ART3: variants seen among roughly 807,000 people sequenced by gnomAD.
The protein encoded by ART3 is ADP-ribosyltransferase 3 (inactive).
Under a neutral mutation model 48.5 loss-of-function variants are expected in ART3, and 49 were observed. That is an observed-to-expected ratio of 1.01 (90% confidence interval 0.80 to 1.28). ART3 has a LOEUF of 1.28. Among genes scored for constraint, ART3 ranks in the 50% most tolerant of loss-of-function variants. ART3 has a pLI of 0.00. For missense variants in ART3, 438 were observed against 454.3 expected, an observed-to-expected ratio of 0.96 and a Z score of 0.33; for synonymous variants, 145 against 157.2, an observed-to-expected ratio of 0.92 and a Z score of 0.58.
intron 11 of ART3, among the ~76,000 whole-genome samples, chr4:76,108,557 TA>T (rs57985973): frequency 0.033 from 4,825 of 147,260 alleles, 215 homozygotes; most frequent in African/African-American, 0.1. Context: ...TAGCAATGAT[TA>T]AAAAAAAAAA....
At chr4:76,022,782 T>C in intron 1 of ART3, 1 of 1,612,706 alleles carries the variant, frequency 6.2e-7, no homozygotes, top group South Asian at 1.1e-5. Context: ...CTAATGCTGA[T>C]GCAGGTACAG....
At chr4:76,011,229 C>CTCGTGCT (rs1401665992) in exon 1 of ART3, 11 of 152,668 alleles carry the variant, frequency 7.2e-5, no homozygotes, top group African/African-American at 2.2e-4. Flanking sequence ...GAGGTCTCGA[C>CTCGTGCT]GCTCGCTCGT....
chr4:76,087,706 G>T (rs947313691), intron 3 of ART3, among the ~76,000 whole-genome samples: 11 of 152,184 alleles, frequency 7.2e-5, no homozygotes, highest in East Asian at 3.8e-4. Context: ...TCGTTAGGAA[G>T]CAGAGAGAAT....
At chr4:76,021,629 A>G (rs187517470) in intron 1 of ART3, 248 of 355,414 alleles carry the variant, frequency 7.0e-4, no homozygotes, top group African/African-American at 5.0e-3. Flanking sequence ...AAGATGGGAA[A>G]GGTGAGGGAA....
chr4:76,047,489 G>A (rs972047560), intron 1 of ART3, among the ~76,000 whole-genome samples: 10 of 151,952 alleles, frequency 6.6e-5, no homozygotes, highest in African/African-American at 2.4e-4. Context: ...TTTTCTTAAG[G>A]CCTCTCATAG....
In ART3 at chr4:76,034,601, A is replaced by G. The variant is rs1030654533; in HGVS notation, c.-10+23281A>G. On this transcript the variant is annotated intron_variant, in intron 1 of 9. Coordinates refer to the ART3 transcript ENST00000341029. Reference sequence around the variant, plus strand: ...TTCTGATTGTCATTCATTCAGGAAGACTGTATTTCTGTTTTTGGTCCTTTC... The same window carrying G: ...TTCTGATTGTCATTCATTCAGGAAGGCTGTATTTCTGTTTTTGGTCCTTTC... The G allele has an allele frequency of 1.2e-5, 7 of 603,578 alleles. No homozygotes were observed. In the Admixed American group the frequency reaches 2.5e-4, roughly 21 times the overall value. The allele number at this position is 603,578 out of a possible 1,614,324, so 37.4% of individuals were successfully genotyped here.
intron 1 of ART3, among the ~76,000 whole-genome samples, chr4:76,042,868 T>C (rs1735107005): frequency 6.6e-6 from 1 of 152,024 alleles, no homozygotes; most frequent in Admixed American, 6.6e-5. Flanking sequence ...GGCAGCCTGC[T>C]TTTATTCTCT....
chr4:76,078,845 C>T (rs1721738744), intron 2 of ART3, among the ~76,000 whole-genome samples: 1 of 152,076 alleles, frequency 6.6e-6, no homozygotes, highest in African/African-American at 2.4e-5. Context: ...CTTTGGGAGG[C>T]CGAGAAAGGC....
intron 1 of ART3, among the ~76,000 whole-genome samples, chr4:76,012,912 A>T (rs1208925313): frequency 1.3e-5 from 2 of 152,190 alleles, no homozygotes; most frequent in Non-Finnish European, 2.9e-5. Context: ...TACAAGAAAA[A>T]ATCCACATTC....
intron 1 of ART3, chr4:76,022,455 A>G: frequency 6.2e-7 from 1 of 1,611,814 alleles, no homozygotes; most frequent in South Asian, 1.1e-5. Context: ...TCATTGTAGC[A>G]CTGTAGAAAT....
At chr4:76,069,183 G>A (rs1456399159) in intron 1 of ART3, among the ~76,000 whole-genome samples, 1 of 152,140 alleles carries the variant, frequency 6.6e-6, no homozygotes, top group Non-Finnish European at 1.5e-5. Context: ...GTGAAGGGAG[G>A]AGATTGACTA....
At chr4:76,028,279 C>G (rs995832482) in intron 1 of ART3, among the ~76,000 whole-genome samples, 3 of 152,154 alleles carry the variant, frequency 2.0e-5, no homozygotes, top group African/African-American at 4.8e-5. Context: ...AATGATAACT[C>G]TTTTTATATA....
At chr4:76,011,960 C>G (rs1319354781) in intron 1 of ART3, 1 of 152,218 alleles carries the variant, frequency 6.6e-6, no homozygotes, top group Non-Finnish European at 1.5e-5. Context: ...GAGGATGTTG[C>G]AGGCGTTTCT....
chr4:76,015,411 C>G (rs968299398), intron 1 of ART3, among the ~76,000 whole-genome samples: 4 of 151,616 alleles, frequency 2.6e-5, no homozygotes, highest in African/African-American at 4.8e-5. Flanking sequence ...AAGAGAATAA[C>G]TAAAAATATA....
At chr4:76,041,109 C>T (rs2149425780) in intron 1 of ART3, 1 of 152,322 alleles carries the variant, frequency 6.6e-6, no homozygotes, top group Admixed American at 6.5e-5. Flanking sequence ...GTGAACAAAA[C>T]TCACCAAGTC....
intron 9 of ART3, chr4:76,104,314 A>G: frequency 1.0e-6 from 1 of 971,326 alleles, no homozygotes; most frequent in South Asian, 4.8e-5. Flanking sequence ...GTTGACTGTT[A>G]GTCTTGGCTA....
intron 1 of ART3, among the ~76,000 whole-genome samples, chr4:76,030,366 C>T (rs1279863834): frequency 4.6e-5 from 7 of 152,212 alleles, no homozygotes; most frequent in Admixed American, 1.3e-4. Flanking sequence ...TCAGCTTCAA[C>T]TTTCACATCC....
intron 1 of ART3, among the ~76,000 whole-genome samples, chr4:76,016,896 A>G (rs1732317673): frequency 6.6e-6 from 1 of 152,116 alleles, no homozygotes; most frequent in African/African-American, 2.4e-5. Context: ...CCTAACACCA[A>G]TATTCACTTA....
chr4:76,045,538 C>T (rs960891569), intron 1 of ART3, among the ~76,000 whole-genome samples: 1 of 151,988 alleles, frequency 6.6e-6, no homozygotes, highest in African/African-American at 2.4e-5. Flanking sequence ...TTGGCTACTA[C>T]ATCAATTTCC....
Sources: allele counts gnomAD v4.1 joint callset (sites outside exome capture counted in the v4.1 genomes callset), GRCh38; gene constraint gnomAD v4.1.1; transcripts MANE v1.5; gene names NCBI Gene and HGNC (gene_info 2026-07-23, HGNC 2026-07-21).